PIK3R3: variants seen among roughly 807,000 people sequenced by gnomAD.
The protein encoded by PIK3R3 is phosphoinositide-3-kinase regulatory subunit 3.
Under a neutral mutation model 62.9 loss-of-function variants are expected in PIK3R3, and 64 were observed. The ratio of observed to expected loss-of-function variants is 1.02; its 90% CI spans 0.83 to 1.25. PIK3R3 has a LOEUF of 1.25. Ranked by LOEUF, PIK3R3 falls within the 50% of genes most tolerant of loss-of-function variation. PIK3R3 has a pLI of 0.00. For missense variants in PIK3R3, 614 were observed against 561.6 expected (o/e 1.09, Z -0.94); for synonymous variants, 165 against 189.0 (o/e 0.87, Z 1.04).
intron 1 of PIK3R3, among the ~76,000 whole-genome samples, chr1:46,130,410 A>ACTGCAT: frequency 6.6e-6 from 1 of 152,320 alleles, no homozygotes; most frequent in Middle Eastern, 3.4e-3. Context: ...TTTACAAAAC[A>ACTGCAT]CTGAAAAGCT....
chr1:46,114,041 G>A (rs1253653544), intron 1 of PIK3R3, among the ~76,000 whole-genome samples: 1 of 152,200 alleles, frequency 6.6e-6, no homozygotes, highest in Non-Finnish European at 1.5e-5. Flanking sequence ...CTTGAGGACA[G>A]GGATTATGTA....
Position 46,043,529 on chromosome 1 carries a change from T to G in PIK3R3, c.*144A>C. 3 of 705,488 alleles carry G rather than the reference T, an allele frequency of 4.3e-6. No individual in the cohort carries two copies. The highest frequency in any genetic ancestry group is 7.1e-6 in the Non-Finnish European group (3 of 420,134). The allele number at this position is 705,488 out of a possible 1,614,324, so 43.7% of individuals were successfully genotyped here. On this transcript the variant is annotated 3_prime_UTR_variant, in exon 10 of 10. Transcript: ENST00000262741. ...CTCTAATGCCCCCATCCCGGCCGGC[T>G]GCTGCTCGGCCTCTCCACTTCACAT...
intron 1 of PIK3R3, among the ~76,000 whole-genome samples, chr1:46,109,369 A>T (rs1358743784): frequency 6.6e-6 from 1 of 152,184 alleles, no homozygotes; most frequent in Non-Finnish European, 1.5e-5. Context: ...AGCAAAGTCC[A>T]GCAGTAGCTT....
intron 4 of PIK3R3, among the ~76,000 whole-genome samples, chr1:46,066,653 T>C (rs1161475400): frequency 1.3e-5 from 2 of 152,138 alleles, no homozygotes; most frequent in East Asian, 3.9e-4. Context: ...GACCCTGAAG[T>C]TGTGGCATGC....
Position 46,040,408 on chromosome 1 carries a change from T to C in PIK3R3, c.*3265A>G, listed in dbSNP as rs914319216. On this transcript the variant is annotated 3_prime_UTR_variant, in exon 10 of 10. Coordinates refer to ENST00000262741, the MANE Select transcript of PIK3R3 (RefSeq NM_003629.4). ...GATATTTTTACGTAAACTACACGAA[T>C]TTTCTTGGACACATCAAAGACAACA... 3 of 231,252 alleles carry C rather than the reference T, an allele frequency of 1.3e-5. No individual in the cohort carries two copies. The highest frequency in any genetic ancestry group is 2.6e-5 in the Non-Finnish European group (3 of 116,628). The allele number at this position is 231,252 out of a possible 1,614,324, so 14.3% of individuals were successfully genotyped here. A position where few individuals can be genotyped will look rare whatever the true frequency, so the allele number is the denominator to read the frequency against.
chr1:46,059,327 C>T (rs1648245158), intron 6 of PIK3R3, among the ~76,000 whole-genome samples: 1 of 152,192 alleles, frequency 6.6e-6, no homozygotes, highest in Admixed American at 6.5e-5. Flanking sequence ...ACAGTACTTA[C>T]TTCACTGGGT....
chr1:46,171,061 G>A, the PIK3R3 span, among the ~76,000 whole-genome samples: 2 of 152,138 alleles, frequency 1.3e-5, no homozygotes, highest in South Asian at 4.1e-4. Flanking sequence ...GGTAATAGTA[G>A]TCAGCACTCT....
At chr1:46,107,769 C>T (rs1653355003) in intron 1 of PIK3R3, among the ~76,000 whole-genome samples, 1 of 152,194 alleles carries the variant, frequency 6.6e-6, no homozygotes, top group Non-Finnish European at 1.5e-5. Context: ...TTGGAATCCA[C>T]TATTTAGATA....
At chr1:46,055,275 A>G (rs544457095) in intron 7 of PIK3R3, among the ~76,000 whole-genome samples, 1 of 152,092 alleles carries the variant, frequency 6.6e-6, no homozygotes, top group African/African-American at 2.4e-5. Flanking sequence ...CGCCCAGCTA[A>G]TTTTGTATTT....
At chr1:46,087,924 G>T (rs926051696) in intron 1 of PIK3R3, among the ~76,000 whole-genome samples, 1 of 152,216 alleles carries the variant, frequency 6.6e-6, no homozygotes, top group African/African-American at 2.4e-5. Context: ...GAGACAGAAA[G>T]TAGAATGCTG....
Position 46,080,728 on chromosome 1 carries a change from C to CTTA in PIK3R3, c.126_128dup (p.Pro42_Lys43insAsn). Reference sequence around the variant, plus strand: ...CATTTGGAACTGCTGAAGTCATTGGCTTAGGTGGCTTTGGTGGAAGAGCTA... The same window carrying CTTA: ...CATTTGGAACTGCTGAAGTCATTGGCTTATTAGGTGGCTTTGGTGGAAGAGCTA... On this transcript the variant is annotated inframe_insertion, in exon 2 of 10. Coordinates refer to ENST00000262741, the MANE Select transcript of PIK3R3 (RefSeq NM_003629.4). 1 of 1,613,072 alleles carries CTTA rather than the reference C, an allele frequency of 6.2e-7. No individual in the cohort carries two copies. The highest frequency in any genetic ancestry group is 1.1e-5 in the South Asian group (1 of 91,054).
rs1647010827 is a variant in PIK3R3 at position 46,042,269 on chromosome 1, G to A, written c.*1404C>T. 1 of 228,536 alleles carries A rather than the reference G, an allele frequency of 4.4e-6. No homozygotes were observed. The highest frequency in any genetic ancestry group is 8.7e-6 in the Non-Finnish European group (1 of 115,126). The allele number at this position is 228,536 out of a possible 1,614,324, so 14.2% of individuals were successfully genotyped here. A position where few individuals can be genotyped will look rare whatever the true frequency, so the allele number is the denominator to read the frequency against. ...AAGCCACATGGAGCAGAAGATTCCT[G>A]GCCTAAAATCAAGGCCACTGGAGCA... On this transcript the variant is annotated 3_prime_UTR_variant, in exon 10 of 10. Transcript: ENST00000262741. This position sits in a 1 kb window ranked among gnomAD's most constrained non-coding sequence, Gnocchi z 4.3.
At chr1:46,150,991 A>G in the PIK3R3 span, among the ~76,000 whole-genome samples, 8 of 151,628 alleles carry the variant, frequency 5.3e-5, no homozygotes, top group African/African-American at 1.5e-4. Context: ...TTTGTATTTT[A>G]GTAGAGTCGA....
intron 3 of PIK3R3, among the ~76,000 whole-genome samples, chr1:46,073,676 G>C (rs1649755427): frequency 6.6e-6 from 1 of 151,984 alleles, no homozygotes; most frequent in South Asian, 2.1e-4. Flanking sequence ...CCGGAGTGCA[G>C]TGGCGCGATC....
At chr1:46,094,949 T>TTTA (rs1340251397) in intron 1 of PIK3R3, among the ~76,000 whole-genome samples, 4 of 152,242 alleles carry the variant, frequency 2.6e-5, no homozygotes, top group African/African-American at 9.6e-5. Flanking sequence ...AAACGATGAT[T>TTTA]TTATCTTTGG....
chr1:46,051,053 G>C (rs1647300502), intron 7 of PIK3R3, among the ~76,000 whole-genome samples: 1 of 152,190 alleles, frequency 6.6e-6, no homozygotes, highest in South Asian at 2.1e-4. Flanking sequence ...TGAAAGAGGT[G>C]ATAGGGATGT....
At chr1:46,129,228 T>C (rs529703620) in intron 1 of PIK3R3, among the ~76,000 whole-genome samples, 1 of 152,148 alleles carries the variant, frequency 6.6e-6, no homozygotes, top group South Asian at 2.1e-4. Context: ...CATGTAACTA[T>C]TGTGAGTGAA....
At chr1:46,076,410 G>A (rs754282251) in intron 3 of PIK3R3, among the ~76,000 whole-genome samples, 1 of 152,202 alleles carries the variant, frequency 6.6e-6, no homozygotes, top group Non-Finnish European at 1.5e-5. Flanking sequence ...GACCAATGCT[G>A]CTAAGAGGTC....
the PIK3R3 span, among the ~76,000 whole-genome samples, chr1:46,174,148 T>C: frequency 6.6e-6 from 1 of 152,208 alleles, no homozygotes; most frequent in Non-Finnish European, 1.5e-5. Flanking sequence ...GCTTATAGTA[T>C]GTGCTTGCAT....
Sources: gnomAD v4.1 joint callset for allele counts (sites outside exome capture counted in the v4.1 genomes callset) on GRCh38, gnomAD v4.1.1 for gene constraint, Gnocchi (gnomAD v3.1) non-coding constraint, MANE v1.5 for transcripts, NCBI Gene and HGNC (gene_info 2026-07-23, HGNC 2026-07-21) for gene names.